The following ALK variants were observed in gnomAD, a reference collection of about 807,000 sequenced individuals.
ALK encodes the protein ALK receptor tyrosine kinase, also known as ALK tyrosine kinase receptor.
In ALK, 74 loss-of-function variants were observed where a neutral mutation model predicts 163.1. The ratio of observed to expected loss-of-function variants is 0.45; its 90% CI spans 0.38 to 0.55. ALK has a LOEUF of 0.55. Among genes scored for constraint, ALK ranks in the 20% least tolerant of loss-of-function variants. The pLI is 0.00. For missense variants in ALK, 2,063 were observed against 2,105.3 expected (o/e 0.98, Z 0.39); for synonymous variants, 960 against 843.2 (o/e 1.14, Z -2.40).
chr2:29,477,464 G>A (rs1573387190), intron 4 of ALK, among the ~76,000 whole-genome samples: 1 of 152,188 alleles, frequency 6.6e-6, no homozygotes, highest in East Asian at 1.9e-4. Context: ...TTCAAGTGAT[G>A]TTGATTTTCT....
rs188140063 is a variant in ALK, at chr2:29,453,448, C to T, written c.1155-69589G>A. Among the ~76,000 whole-genome samples the T allele has an allele frequency of 1.1e-4, 17 of 152,068 alleles. No individual in the cohort carries two copies. In the East Asian group the frequency reaches 3.1e-3, roughly 28 times the overall value. The stretch of plus-strand genomic sequence containing the variant: ...ACGAGTTCTCACTATGTTGCTCAGG[C>T]TGGTCTTGAACTCCTAAACTCAAGC... On this transcript the variant is annotated intron_variant, in intron 4 of 28. Transcript: ENST00000389048.
intron 1 of ALK, among the ~76,000 whole-genome samples, chr2:29,804,704 G>C (rs1467465333): frequency 6.6e-6 from 1 of 152,200 alleles, no homozygotes; most frequent in Admixed American, 6.5e-5. Flanking sequence ...AAGTTGGAAA[G>C]TATGCCCACC....
chr2:29,886,111 G>C (rs150447253), intron 1 of ALK, among the ~76,000 whole-genome samples: 126 of 152,124 alleles, frequency 8.3e-4, no homozygotes, highest in African/African-American at 2.8e-3. Context: ...TTAATAAATA[G>C]TAAACGTATT....
Position 29,626,965 on chromosome 2 carries a change from C to T in ALK, c.952+67885G>A, listed in dbSNP as rs376225838. Among the ~76,000 whole-genome samples, 21 of 152,136 alleles carry T rather than the reference C, an allele frequency of 1.4e-4. No homozygotes were observed. In the East Asian group the frequency reaches 3.1e-3, roughly 23 times the overall value. ...CCCAGCTGCCAAACATCCCTAAAGC[C>T]GGGGCTCCTCCAAACCACCTGAAAT... On this transcript the variant is annotated intron_variant, in intron 3 of 28. Coordinates refer to ENST00000389048, the MANE Select transcript of ALK (RefSeq NM_004304.5).
intron 5 of ALK, among the ~76,000 whole-genome samples, chr2:29,378,777 G>A (rs1325451847): frequency 6.6e-6 from 1 of 150,510 alleles, no homozygotes; most frequent in Non-Finnish European, 1.5e-5. Flanking sequence ...GTGCAGTGGT[G>A]CCATCTCAGC....
At chr2:29,584,242 A>G (rs1444553793) in intron 3 of ALK, among the ~76,000 whole-genome samples, 2 of 152,220 alleles carry the variant, frequency 1.3e-5, no homozygotes, top group African/African-American at 2.4e-5. Context: ...TGAACATTCC[A>G]TGATAGGAAC....
chr2:29,360,186 C>T (rs79574315), intron 5 of ALK, among the ~76,000 whole-genome samples: 4,072 of 152,276 alleles, frequency 0.027, 187 homozygotes, highest in African/African-American at 0.093. Flanking sequence ...TTCCTTCTTC[C>T]TAAGGGCCAA....
intron 4 of ALK, among the ~76,000 whole-genome samples, chr2:29,490,453 C>T (rs796171264): frequency 9.2e-5 from 14 of 152,326 alleles, no homozygotes; most frequent in African/African-American, 3.1e-4. Context: ...CCTAGATCAG[C>T]GGCATCAGCA....
intron 5 of ALK, among the ~76,000 whole-genome samples, chr2:29,358,343 A>G (rs1340038831): frequency 6.6e-6 from 1 of 152,242 alleles, no homozygotes; most frequent in African/African-American, 2.4e-5. Context: ...GTAATTTTTA[A>G]TAAATGTTCT....
chr2:29,682,322 C>G (rs1238391559), intron 3 of ALK, among the ~76,000 whole-genome samples: 1 of 152,318 alleles, frequency 6.6e-6, no homozygotes, highest in African/African-American at 2.4e-5. Flanking sequence ...AGCACTGAGA[C>G]TCCTGTCTTC....
chr2:29,808,830 C>T (rs998347049), intron 1 of ALK, among the ~76,000 whole-genome samples: 8 of 152,340 alleles, frequency 5.3e-5, no homozygotes, highest in East Asian at 1.9e-4. Context: ...TTGATGGATG[C>T]GGCAAACACA....
chr2:29,828,429 C>A (rs1322327004), intron 1 of ALK, among the ~76,000 whole-genome samples: 5 of 152,026 alleles, frequency 3.3e-5, no homozygotes, highest in African/African-American at 1.2e-4. Context: ...TGACAGAGGG[C>A]TAATATCCAG....
rs200544045 is a variant in ALK, at chr2:29,680,480, CTTCATTTTAGTTACTGCACT to C, written c.952+14350_952+14369del. On this transcript the variant is annotated intron_variant, in intron 3 of 28. Transcript: ENST00000389048. ...TGCTGTTGAGCTGGTCTAGTGAATT[CTTCATTTTAGTTACTGCACT>C]TTCCAACCCAAGATTTTCCATTTTG... 1.2e-3 allele frequency among the ~76,000 whole-genome samples: 187 copies of C among 152,090 alleles called. 1 individual carries two copies. The East Asian group carries it at 0.031, about 25-fold the overall frequency.
intron 1 of ALK, among the ~76,000 whole-genome samples, chr2:29,816,412 G>A (rs1248681611): frequency 6.6e-6 from 1 of 152,130 alleles, no homozygotes; most frequent in African/African-American, 2.4e-5. Flanking sequence ...GTAAACAGTG[G>A]CCTCCTAATC....
chr2:29,658,049 G>A (rs891118343), intron 3 of ALK, among the ~76,000 whole-genome samples: 1 of 152,132 alleles, frequency 6.6e-6, no homozygotes, highest in African/African-American at 2.4e-5. Flanking sequence ...GGAGAAGGGA[G>A]AGCTAACTAC....
chr2:29,597,917 G>A (rs1044240633), intron 3 of ALK, among the ~76,000 whole-genome samples: 13 of 152,276 alleles, frequency 8.5e-5, no homozygotes, highest in African/African-American at 3.1e-4. Context: ...GGAGAGTGTG[G>A]GCCACTGCCA....
chr2:29,232,386 C>A lies in ALK; in HGVS notation c.2550G>T (p.Gly850=). 3.1e-6 allele frequency: 5 copies of A among 1,614,250 alleles called. No homozygotes were observed. The highest frequency in any genetic ancestry group is 4.2e-6 in the Non-Finnish European group (5 of 1,180,050). ...IAAGGGGRAY[G]AKTDTFHPER... ...CTGGGTGGAACGTGTCTGTCTTGGC[C>A]CCGTAGGCCCTGCCACCACCTCCGG... Residue 850 remains glycine (G), a synonymous_variant, in exon 15 of 29, where the codon GGG becomes GGT. Coordinates refer to ENST00000389048, the MANE Select transcript of ALK (RefSeq NM_004304.5).
intron 1 of ALK, among the ~76,000 whole-genome samples, chr2:29,900,995 G>GAGAGCAAGCA (rs143158227): frequency 0.063 from 9,363 of 148,578 alleles, 386 homozygotes; most frequent in Non-Finnish European, 0.09. Flanking sequence ...GAGAGAGAGA[G>GAGAGCAAGCA]AGCAAGCAAG....
chr2:29,691,225 G>A (rs949865857), intron 3 of ALK, among the ~76,000 whole-genome samples: 1 of 152,204 alleles, frequency 6.6e-6, no homozygotes. Flanking sequence ...CTGAAGCAGT[G>A]GATTTTCTGG....
Sources: allele counts gnomAD v4.1 joint callset (sites outside exome capture counted in the v4.1 genomes callset), GRCh38; gene constraint gnomAD v4.1.1; transcripts MANE v1.5; gene names NCBI Gene and HGNC (gene_info 2026-07-23, HGNC 2026-07-21).